SGCZ: variants seen among roughly 807,000 people sequenced by gnomAD.
SGCZ encodes sarcoglycan zeta.
SGCZ carries 40 observed loss-of-function variants against 41.3 expected under a neutral mutation model. The ratio of observed to expected loss-of-function variants is 0.97; its 90% confidence interval spans 0.75 to 1.26. The LOEUF is 1.26. Ranked by LOEUF, SGCZ falls within the 50% of genes most tolerant of loss-of-function variation. The pLI, the probability that SGCZ is intolerant of heterozygous loss-of-function variation, is 0.00. For missense variants in SGCZ, 552 were observed against 369.8 expected (o/e 1.49, Z -4.04); for synonymous variants, 206 against 137.5 (o/e 1.50, Z -3.49).
At chr8:14,283,678 G>A (rs555059575) in intron 3 of SGCZ, among the ~76,000 whole-genome samples, 1 of 152,236 alleles carries the variant, frequency 6.6e-6, no homozygotes, top group East Asian at 1.9e-4. Context: ...CAGAGATACA[G>A]TGATCGAACA....
chr8:14,675,379 T>G (rs1040423425), intron 1 of SGCZ, among the ~76,000 whole-genome samples: 1 of 152,024 alleles, frequency 6.6e-6, no homozygotes, highest in Non-Finnish European at 1.5e-5. Context: ...ATATATTTAT[T>G]GTTTCAGAAA....
chr8:14,876,570 T>C (rs192349711), intron 1 of SGCZ, among the ~76,000 whole-genome samples: 4 of 152,220 alleles, frequency 2.6e-5, no homozygotes, highest in Admixed American at 2.6e-4. Flanking sequence ...TTTAAACGGG[T>C]AAATTTGATG....
chr8:14,743,650 G>T (rs1299359181), intron 1 of SGCZ, among the ~76,000 whole-genome samples: 1 of 151,952 alleles, frequency 6.6e-6, no homozygotes, highest in Non-Finnish European at 1.5e-5. Flanking sequence ...TAGAAAAAGA[G>T]TGAAGATTTC....
intron 1 of SGCZ, among the ~76,000 whole-genome samples, chr8:14,792,338 A>T (rs1585264086): frequency 1.3e-5 from 2 of 152,124 alleles, no homozygotes; most frequent in South Asian, 4.1e-4. Flanking sequence ...GTGTTTCCAC[A>T]TATCGCTCAG....
chr8:14,400,929 C>T (rs1551815), intron 2 of SGCZ, among the ~76,000 whole-genome samples: 62,616 of 151,936 alleles, frequency 0.41, 13,438 homozygotes, highest in African/African-American at 0.53. Context: ...GTGTTTCTGT[C>T]TTGTTTTGTT....
chr8:14,279,480 C>A (rs1432850663), intron 3 of SGCZ, among the ~76,000 whole-genome samples: 2 of 151,768 alleles, frequency 1.3e-5, no homozygotes, highest in African/African-American at 2.4e-5. Flanking sequence ...ATAAAGATAA[C>A]CAGCATTCAG....
intron 4 of SGCZ, among the ~76,000 whole-genome samples, chr8:14,170,057 A>ATT (rs35045034): frequency 1.7e-4 from 26 of 148,766 alleles, no homozygotes; most frequent in African/African-American, 6.4e-4. Context: ...CTTTCACTTG[A>ATT]TTTTTTTTTT....
At chr8:14,761,270 C>T (rs978919759) in intron 1 of SGCZ, among the ~76,000 whole-genome samples, 1 of 151,912 alleles carries the variant, frequency 6.6e-6, no homozygotes, top group Non-Finnish European at 1.5e-5. Flanking sequence ...TATGTGAGAT[C>T]CTTAAATATT....
intron 2 of SGCZ, among the ~76,000 whole-genome samples, chr8:14,424,396 T>C (rs1243019425): frequency 6.6e-6 from 1 of 152,166 alleles, no homozygotes; most frequent in Non-Finnish European, 1.5e-5. Flanking sequence ...TACATAAACA[T>C]TGGGTCTTCC....
intron 3 of SGCZ, among the ~76,000 whole-genome samples, chr8:14,257,727 G>A (rs1039437415): frequency 6.6e-6 from 1 of 151,154 alleles, no homozygotes; most frequent in African/African-American, 2.4e-5. Flanking sequence ...GTGAGAACAT[G>A]TGGTGTTTGG....
chr8:15,003,523 A>G (rs1802498921), intron 1 of SGCZ, among the ~76,000 whole-genome samples: 1 of 152,234 alleles, frequency 6.6e-6, no homozygotes, highest in South Asian at 2.1e-4. Flanking sequence ...ACACTGCAAA[A>G]TAAGTTAGTC....
At chr8:14,610,762 G>A (rs1805902168) in intron 1 of SGCZ, among the ~76,000 whole-genome samples, 1 of 152,134 alleles carries the variant, frequency 6.6e-6, no homozygotes, top group Non-Finnish European at 1.5e-5. Context: ...TCAAGGAGAG[G>A]GAAGGCTCAA....
rs538572399 is a variant in SGCZ, at chr8:15,060,019, T to A, written c.39+177566A>T. 2.2e-4 allele frequency among the ~76,000 whole-genome samples: 33 copies of A among 152,276 alleles called. No individual in the cohort carries two copies. The East Asian group carries it at 5.0e-3, about 23-fold the overall frequency. ...GCCCTGACATCTCTATACTAGGCCATTCTCAGGGCTTTGTTTGCAGCAAGC... is the reference window on the plus strand; with the variant it reads ...GCCCTGACATCTCTATACTAGGCCAATCTCAGGGCTTTGTTTGCAGCAAGC... On this transcript the variant is annotated intron_variant, in intron 1 of 7. Coordinates refer to ENST00000382080, the MANE Select transcript of SGCZ (RefSeq NM_139167.4).
At chr8:15,205,256 G>A (rs113034864) in intron 1 of SGCZ, among the ~76,000 whole-genome samples, 59 of 152,194 alleles carry the variant, frequency 3.9e-4, no homozygotes, top group African/African-American at 1.4e-3. Flanking sequence ...ATTGACAAGT[G>A]GGATGTAATT....
intron 1 of SGCZ, among the ~76,000 whole-genome samples, chr8:14,639,258 ACCTTACCACTAATATATTATTAGTG>A: frequency 6.6e-6 from 1 of 151,542 alleles, no homozygotes; most frequent in South Asian, 2.1e-4. Context: ...ACTCTTACTT[ACCTTACCACTAATATATTATTAGTG>A]CCTTACCACT....
chr8:14,374,367 T>C (rs1050446436), intron 2 of SGCZ, among the ~76,000 whole-genome samples: 4 of 152,158 alleles, frequency 2.6e-5, no homozygotes, highest in African/African-American at 4.8e-5. Flanking sequence ...AAAGATGATT[T>C]GGTACATAGG....
chr8:14,701,207 G>C (rs1469236872), intron 1 of SGCZ, among the ~76,000 whole-genome samples: 1 of 151,864 alleles, frequency 6.6e-6, no homozygotes, highest in South Asian at 2.1e-4. Flanking sequence ...TATTACTAAA[G>C]GTAGTTGCAG....
At chr8:14,390,670 A>G (rs1804738371) in intron 2 of SGCZ, among the ~76,000 whole-genome samples, 1 of 151,980 alleles carries the variant, frequency 6.6e-6, no homozygotes, top group Non-Finnish European at 1.5e-5. Context: ...TTAGGTTGAC[A>G]CAAAGTGCAC....
chr8:14,808,348 T>C (rs1312739706), intron 1 of SGCZ, among the ~76,000 whole-genome samples: 2 of 152,026 alleles, frequency 1.3e-5, no homozygotes, highest in East Asian at 3.9e-4. Flanking sequence ...AAAGGGCTAA[T>C]ATCCAGAATC....
Sources: allele counts gnomAD v4.1 joint callset (sites outside exome capture counted in the v4.1 genomes callset), GRCh38; gene constraint gnomAD v4.1.1; transcripts MANE v1.5; gene names NCBI Gene and HGNC (gene_info 2026-07-23, HGNC 2026-07-21).